TPD52L2: variants seen among roughly 807,000 people sequenced by gnomAD.
TPD52L2 encodes the protein tumor protein D54.
A neutral mutation model predicts 24.7 loss-of-function variants in TPD52L2; 19 were observed. That is an observed-to-expected ratio of 0.77 (90% CI 0.54 to 1.13). The LOEUF (loss-of-function observed/expected upper bound fraction) is 1.13, where lower values mean the gene tolerates loss of function less well. TPD52L2 is among the 50% of genes most tolerant of loss of function. TPD52L2 has a pLI of 0.00. For missense variants in TPD52L2, 236 were observed against 250.4 expected (o/e 0.94, Z 0.39); for synonymous variants, 104 against 100.2 (o/e 1.04, Z -0.23).
chr20:63,885,743 G>T lies in TPD52L2; in HGVS notation c.476+2923G>T, dbSNP rs553550283. On this transcript the variant is annotated intron_variant, in intron 5 of 6. Transcript: ENST00000346249. Reference sequence around the variant, plus strand: ...GCGTGGACAGGGCGTGGACCCAGGGGCCTCTTGGGCACAGCCGTGAGGCTG... The same window carrying T: ...GCGTGGACAGGGCGTGGACCCAGGGTCCTCTTGGGCACAGCCGTGAGGCTG... Among the ~76,000 whole-genome samples the T allele has an allele frequency of 2.6e-5, 4 of 152,340 alleles. No individual in the cohort carries two copies. In the South Asian group the frequency reaches 8.3e-4, roughly 32 times the overall value.
chr20:63,888,956 AG>A, intron 5 of TPD52L2: 1 of 588,598 alleles, frequency 1.7e-6, no homozygotes, highest in Admixed American at 2.9e-5. Context: ...AGGGGTTTCC[AG>A]TTGCCTTGTG....
intron 5 of TPD52L2, among the ~76,000 whole-genome samples, chr20:63,886,364 GC>G (rs1381418710): frequency 1.3e-5 from 2 of 151,104 alleles, no homozygotes; most frequent in South Asian, 4.2e-4. Context: ...CTGAAAAGGA[GC>G]TTTTTTTTTT....
In TPD52L2 at chr20:63,868,127, G is replaced by T. The variant is rs571474074; in HGVS notation, c.20-1169G>T. On this transcript the variant is annotated intron_variant, in intron 1 of 6. Coordinates refer to ENST00000346249, the MANE Select transcript of TPD52L2 (RefSeq NM_003288.4). Reference sequence around the variant, plus strand: ...GGGGTTTCACCATTTTGGTCAAGCTGGTCTCGAACTCCTGACCTCATGTGA... The same window carrying T: ...GGGGTTTCACCATTTTGGTCAAGCTTGTCTCGAACTCCTGACCTCATGTGA... 1.9e-3 allele frequency among the ~76,000 whole-genome samples: 285 copies of T among 152,172 alleles called. 1 individual carries two copies. Among genetic ancestry groups the T allele is most frequent in the African/African-American group, 6.5e-3 (271 of 41,512 alleles).
chr20:63,884,196 TGGG>T (rs1028716506), intron 5 of TPD52L2, among the ~76,000 whole-genome samples: 1 of 151,988 alleles, frequency 6.6e-6, no homozygotes, highest in African/African-American at 2.4e-5. Flanking sequence ...AGCTGTGACT[TGGG>T]GGGGTCCTTG....
At position 63,873,572 on chromosome 20, in the gene TPD52L2, C is replaced by T. The variant is rs776934866; in HGVS notation, c.166-96C>T. On this transcript the variant is annotated intron_variant, in intron 2 of 6. Coordinates refer to ENST00000346249, the MANE Select transcript of TPD52L2 (RefSeq NM_003288.4). ...TAGGACGAGTTAATGCTTTGGTAAGCGGAAAGTTCTTGTGTAACTCATGGC... is the reference window on the plus strand; with the variant it reads ...TAGGACGAGTTAATGCTTTGGTAAGTGGAAAGTTCTTGTGTAACTCATGGC... 3.2e-5 allele frequency: 45 copies of T among 1,386,902 alleles called. No homozygotes were observed. In the South Asian group the frequency reaches 3.3e-4, roughly 10 times the overall value. The allele number at this position is 1,386,902 out of a possible 1,614,324, so 85.9% of individuals were successfully genotyped here. A position where few individuals can be genotyped will look rare whatever the true frequency, so the allele number is the denominator to read the frequency against.
chr20:63,867,530 C>T (rs1222842350), intron 1 of TPD52L2, among the ~76,000 whole-genome samples: 3 of 151,414 alleles, frequency 2.0e-5, no homozygotes, highest in African/African-American at 7.3e-5. Flanking sequence ...CGTGCCACTG[C>T]ACTCCAGCCT....
intron 4 of TPD52L2, among the ~76,000 whole-genome samples, chr20:63,882,364 CAG>C (rs1600824387): frequency 6.6e-6 from 1 of 152,242 alleles, no homozygotes; most frequent in African/African-American, 2.4e-5. Context: ...TCTCTGTAGT[CAG>C]AGGGGCTGTG....
chr20:63,874,985 A>G (rs1401209670), intron 3 of TPD52L2, among the ~76,000 whole-genome samples: 1 of 151,878 alleles, frequency 6.6e-6, no homozygotes, highest in African/African-American at 2.4e-5. Context: ...ACTAAAAAAT[A>G]AAAAAATTTA....
chr20:63,885,926 C>T lies in TPD52L2; in HGVS notation c.476+3106C>T, dbSNP rs368372462. On this transcript the variant is annotated intron_variant, in intron 5 of 6. Coordinates refer to ENST00000346249, the MANE Select transcript of TPD52L2 (RefSeq NM_003288.4). ...TGACTGAGCACGAGCAGGGGGCCTC[C>T]CCTGGGGCTCCCCGAGGAGGGCTGT... 29 of 1,430,184 alleles carry T rather than the reference C, an allele frequency of 2.0e-5. No individual in the cohort carries two copies. In the African/African-American group the frequency reaches 2.8e-4, roughly 14 times the overall value. 88.6% of individuals were successfully genotyped at this position (1,430,184 alleles called of 1,614,324 possible).
chr20:63,869,225 T>C, intron 1 of TPD52L2, 71 bp from the exon 2 acceptor site: 1 of 1,582,934 alleles, frequency 6.3e-7, no homozygotes, highest in Non-Finnish European at 8.7e-7. Context: ...TTTGTCCTGC[T>C]AGAGACCTCT....
At chr20:63,885,671 C>T (rs2053065107) in intron 5 of TPD52L2, among the ~76,000 whole-genome samples, 1 of 152,226 alleles carries the variant, frequency 6.6e-6, no homozygotes, top group South Asian at 2.1e-4. Context: ...GCTGGTTGTG[C>T]TCCAGGTGCT....
chr20:63,886,264 G>A (rs1446740110), intron 5 of TPD52L2, among the ~76,000 whole-genome samples: 2 of 152,168 alleles, frequency 1.3e-5, no homozygotes, highest in South Asian at 2.1e-4. Flanking sequence ...GCCCTTCTGT[G>A]TCCCCTCCTC....
intron 5 of TPD52L2, chr20:63,887,403 G>C (rs1013811499): frequency 2.1e-5 from 18 of 846,578 alleles, no homozygotes; most frequent in Non-Finnish European, 3.2e-5. Flanking sequence ...CCCTGGGGTC[G>C]AGTTTCCTTC....
chr20:63,865,422 C>G (rs1382099025), intron 1 of TPD52L2, 38 bp downstream of exon 1: 2 of 1,512,592 alleles, frequency 1.3e-6, no homozygotes, highest in East Asian at 5.2e-5. Flanking sequence ...GCAGATGGGC[C>G]CAGGCTGCCC....
chr20:63,865,686 C>T (rs888810611), intron 1 of TPD52L2, among the ~76,000 whole-genome samples: 2 of 151,832 alleles, frequency 1.3e-5, no homozygotes, highest in Admixed American at 6.6e-5. Context: ...TTCTGTCGCT[C>T]CCAGCAGGTC....
intron 5 of TPD52L2, among the ~76,000 whole-genome samples, chr20:63,884,293 A>G (rs2053015232): frequency 6.6e-6 from 1 of 152,192 alleles, no homozygotes; most frequent in Non-Finnish European, 1.5e-5. Flanking sequence ...AGCTGAACTC[A>G]GCCTCGCAGG....
chr20:63,869,527 C>T lies in TPD52L2; in HGVS notation c.165+86C>T, dbSNP rs765778944. The T allele has an allele frequency of 4.0e-5, 63 of 1,556,380 alleles. No homozygotes were observed. In the African/African-American group the frequency reaches 5.2e-4, roughly 13 times the overall value. ...GAGAGGCCAGGGTACTGGCCACGCT[C>T]GGGAGGAATTGCCCTGGGTGGTCAC... On this transcript the variant is annotated intron_variant, in intron 2 of 6. Transcript: ENST00000346249.
chr20:63,882,462 T>TG (rs1372591438), intron 4 of TPD52L2, among the ~76,000 whole-genome samples: 1 of 152,108 alleles, frequency 6.6e-6, no homozygotes, highest in South Asian at 2.1e-4. Context: ...ATTGCAGGGC[T>TG]GGGGGGCCGA....
intron 5 of TPD52L2, among the ~76,000 whole-genome samples, chr20:63,884,243 A>G (rs1203226291): frequency 1.3e-5 from 2 of 151,908 alleles, no homozygotes; most frequent in African/African-American, 4.8e-5. Flanking sequence ...CTTCCCTACC[A>G]CTGCTGAGCT....
Sources: allele counts gnomAD v4.1 joint callset (sites outside exome capture counted in the v4.1 genomes callset), GRCh38; gene constraint gnomAD v4.1.1; transcripts MANE v1.5; gene names NCBI Gene and HGNC (gene_info 2026-07-23, HGNC 2026-07-21).